Variants in DNAJC3 observed in about 807,000 individuals in gnomAD.
The protein encoded by DNAJC3 is DnaJ heat shock protein family (Hsp40) member C3.
Under a neutral mutation model 68.6 loss-of-function variants are expected in DNAJC3, and 38 were observed. The ratio of observed to expected loss-of-function variants is 0.55; its 90% confidence interval spans 0.43 to 0.73. The LOEUF is 0.73. Among genes scored for constraint, DNAJC3 ranks in the 30% least tolerant of loss-of-function variants. The probability of loss-of-function intolerance (pLI) is 0.00; values close to 1 mark genes in which losing one functional copy is unlikely to be tolerated. For missense variants in DNAJC3, 526 were observed against 591.9 expected (o/e 0.89, Z 1.16); for synonymous variants, 203 against 204.0 (o/e 1.00, Z 0.04).
intron 9 of DNAJC3, among the ~76,000 whole-genome samples, chr13:95,764,492 A>G (rs1417942291): frequency 6.7e-6 from 1 of 149,726 alleles, no homozygotes; most frequent in African/African-American, 2.5e-5. Context: ...GTTTAGTAAC[A>G]TAGGACAGCT....
chr13:95,677,225 T>A lies in DNAJC3; in HGVS notation c.-31T>A. 6.3e-7 allele frequency: 1 copy of A among 1,595,118 alleles called. No individual in the cohort carries two copies. ...GGCGCGTGCTGGTGGGCCACACACCTTTCCTCCTCTTCACTCGCGAGCCCT... is the reference window on the plus strand; with the variant it reads ...GGCGCGTGCTGGTGGGCCACACACCATTCCTCCTCTTCACTCGCGAGCCCT... On this transcript the variant is annotated 5_prime_UTR_variant, in exon 1 of 12. Transcript: ENST00000602402.
At chr13:95,736,278 T>A (rs1881914576) in intron 4 of DNAJC3, among the ~76,000 whole-genome samples, 1 of 152,158 alleles carries the variant, frequency 6.6e-6, no homozygotes, top group African/African-American at 2.4e-5. Flanking sequence ...TTTGTTCTTT[T>A]GGCTTAGGTT....
At chr13:95,725,085 A>T in intron 3 of DNAJC3, 93 bp from the exon 4 acceptor site, 1 of 763,388 alleles carries the variant, frequency 1.3e-6, no homozygotes, top group Non-Finnish European at 1.9e-6. Flanking sequence ...AATATTTATT[A>T]ATAATTTGTT....
At chr13:95,762,142 AT>A in intron 7 of DNAJC3, among the ~76,000 whole-genome samples, 1 of 152,238 alleles carries the variant, frequency 6.6e-6, no homozygotes, top group South Asian at 2.1e-4. Flanking sequence ...CATGCCTGTA[AT>A]CCCAGCTACT....
rs1883851305 is a variant in DNAJC3, at chr13:95,793,442, T to A, written c.*2412T>A. 6.6e-6 allele frequency: 1 copy of A among 151,596 alleles called. No individual in the cohort carries two copies. Among genetic ancestry groups the A allele is most frequent in the Non-Finnish European group, 1.5e-5 (1 of 68,080 alleles). The allele number at this position is 151,596 out of a possible 1,614,324, so 9.4% of individuals were successfully genotyped here. The stretch of plus-strand genomic sequence containing the variant: ...AGCATTATCCACTGTAAAACCATAC[T>A]ACTTTCATTTTCCCTTGGGGACTAC... On this transcript the variant is annotated 3_prime_UTR_variant, in exon 12 of 12. Transcript: ENST00000602402.
At chr13:95,730,985 A>G (rs1300229320) in intron 4 of DNAJC3, among the ~76,000 whole-genome samples, 1 of 152,064 alleles carries the variant, frequency 6.6e-6, no homozygotes, top group African/African-American at 2.4e-5. Flanking sequence ...TTCTTTCATC[A>G]GTATTTTGTA....
chr13:95,726,466 A>G (rs1881527226), intron 4 of DNAJC3, among the ~76,000 whole-genome samples: 1 of 152,128 alleles, frequency 6.6e-6, no homozygotes, highest in South Asian at 2.1e-4. Context: ...GGCTGCATAA[A>G]TGTCTTCTTT....
intron 3 of DNAJC3, among the ~76,000 whole-genome samples, chr13:95,724,493 A>G (rs1881441965): frequency 6.6e-6 from 1 of 152,222 alleles, no homozygotes; most frequent in Non-Finnish European, 1.5e-5. Flanking sequence ...CTTTTATTGT[A>G]GGGCAAAAAG....
At chr13:95,719,462 G>A (rs1280216782) in intron 2 of DNAJC3, among the ~76,000 whole-genome samples, 2 of 152,096 alleles carry the variant, frequency 1.3e-5, no homozygotes, top group Non-Finnish European at 2.9e-5. Context: ...ACCCGAGGAG[G>A]GTACAGAGTA....
At chr13:95,727,576 G>A (rs1321066431) in intron 4 of DNAJC3, among the ~76,000 whole-genome samples, 1 of 152,134 alleles carries the variant, frequency 6.6e-6, no homozygotes, top group Non-Finnish European at 1.5e-5. Context: ...TTTTCATGCA[G>A]TGGTAAGAAA....
intron 11 of DNAJC3, among the ~76,000 whole-genome samples, chr13:95,788,609 G>A (rs1216306893): frequency 6.6e-6 from 1 of 152,102 alleles, no homozygotes. Context: ...ATAAATCTTG[G>A]CTATAGTTTT....
intron 1 of DNAJC3, among the ~76,000 whole-genome samples, chr13:95,691,563 T>C (rs1880262766): frequency 1.3e-5 from 2 of 148,996 alleles, no homozygotes; most frequent in Non-Finnish European, 3.0e-5. Context: ...CGCTCCTCAC[T>C]TTCCAGACTA....
chr13:95,712,509 G>A (rs377165425), intron 2 of DNAJC3, among the ~76,000 whole-genome samples: 15 of 151,668 alleles, frequency 9.9e-5, no homozygotes, highest in East Asian at 9.7e-4. Flanking sequence ...CCCAAGTAGC[G>A]GGGGTTACAG....
At position 95,787,037 on chromosome 13, in the gene DNAJC3, A is replaced by G; in HGVS notation, c.1239A>G (p.Ala413=). 6.2e-7 allele frequency: 1 copy of G among 1,611,448 alleles called. No homozygotes were observed. Among genetic ancestry groups the G allele is most frequent in the Non-Finnish European group, 8.5e-7 (1 of 1,179,308 alleles). The change falls in exon 11 of 12, where the codon GCA becomes GCG. Residue 413 remains alanine (A), a synonymous_variant. Transcript: ENST00000602402. ...RNAKKQEIIK[A]YRKLALQWHP... ...CCAAAAAGCAAGAAATTATTAAAGC[A>G]TACCGAAAATTAGCACTGCAGTGGC... is the stretch of plus-strand genomic sequence containing the variant.
chr13:95,678,036 G>T (rs983143810), intron 1 of DNAJC3, among the ~76,000 whole-genome samples: 2 of 152,188 alleles, frequency 1.3e-5, no homozygotes. Context: ...CCCTTAAAAA[G>T]ATACGAACGA....
At chr13:95,682,765 A>G (rs1158127512) in intron 1 of DNAJC3, among the ~76,000 whole-genome samples, 1 of 152,252 alleles carries the variant, frequency 6.6e-6, no homozygotes, top group Non-Finnish European at 1.5e-5. Context: ...AAAACAGCCA[A>G]TAATTCGCAA....
At chr13:95,757,819 T>C (rs1882709553) in intron 5 of DNAJC3, 23 bp downstream of exon 5, 3 of 1,523,062 alleles carry the variant, frequency 2.0e-6, no homozygotes, top group Non-Finnish European at 2.7e-6. Context: ...GATACTGCAG[T>C]TGACCAGCCT....
chr13:95,743,179 T>C (rs1402203285), intron 4 of DNAJC3, among the ~76,000 whole-genome samples: 2 of 152,188 alleles, frequency 1.3e-5, no homozygotes, highest in African/African-American at 4.8e-5. Flanking sequence ...TTGATTACTA[T>C]AGATAGTATT....
chr13:95,714,351 C>G (rs1319270196), intron 2 of DNAJC3, among the ~76,000 whole-genome samples: 1 of 150,934 alleles, frequency 6.6e-6, no homozygotes, highest in East Asian at 1.9e-4. Flanking sequence ...TGTCACCACA[C>G]TCCAGCCTGG....
Sources: allele counts gnomAD v4.1 joint callset (sites outside exome capture counted in the v4.1 genomes callset), GRCh38; gene constraint gnomAD v4.1.1; transcripts MANE v1.5; gene names NCBI Gene and HGNC (gene_info 2026-07-23, HGNC 2026-07-21).